The following ZNF618 variants were observed in gnomAD, a reference collection of about 807,000 sequenced individuals.
ZNF618 encodes the protein neural precursor cell expressed, developmentally down-regulated 10.
Under a neutral mutation model 103.0 loss-of-function variants are expected in ZNF618, and 34 were observed. The ratio of observed to expected loss-of-function variants is 0.33; its 90% CI spans 0.25 to 0.44. The LOEUF is 0.44. ZNF618 is among the 20% of genes least tolerant of loss of function. The pLI is 1.00. For missense variants in ZNF618, 1,059 were observed against 1,295.4 expected (o/e 0.82, Z 2.80); for synonymous variants, 551 against 542.2 (o/e 1.02, Z -0.23).
intron 8 of ZNF618, 40 bp from the exon 9 acceptor site, chr9:114,008,437 T>G (rs1384570870): frequency 6.2e-7 from 1 of 1,613,602 alleles, no homozygotes; most frequent in Admixed American, 1.7e-5. Flanking sequence ...TCCTGAGACC[T>G]GGGGGACCAG....
intron 1 of ZNF618, among the ~76,000 whole-genome samples, chr9:113,925,609 C>G (rs1033204030): frequency 6.6e-6 from 1 of 151,308 alleles, no homozygotes; most frequent in Non-Finnish European, 1.5e-5. Flanking sequence ...CATTCTTTTT[C>G]TCCCTTCTCT....
At chr9:114,039,336 G>GTTTT (rs1415621409) in intron 13 of ZNF618, among the ~76,000 whole-genome samples, 9 of 133,080 alleles carry the variant, frequency 6.8e-5, no homozygotes, top group African/African-American at 2.2e-4. Context: ...TTTCTTTCTT[G>GTTTT]TTTGTTTTTT....
chr9:113,914,249 C>T (rs1831846408), intron 1 of ZNF618, among the ~76,000 whole-genome samples: 1 of 152,160 alleles, frequency 6.6e-6, no homozygotes. Flanking sequence ...GTGTCTAAGT[C>T]TTCTAAGTCG....
intron 3 of ZNF618, among the ~76,000 whole-genome samples, chr9:113,991,235 G>C (rs117226091): frequency 2.0e-3 from 312 of 152,378 alleles, no homozygotes; most frequent in Non-Finnish European, 3.9e-3. Flanking sequence ...CTCAGCAGCA[G>C]GGTCCTTGGC....
At chr9:113,891,508 C>T (rs1283764463) in intron 1 of ZNF618, among the ~76,000 whole-genome samples, 1 of 152,092 alleles carries the variant, frequency 6.6e-6, no homozygotes, top group Non-Finnish European at 1.5e-5. Context: ...GAAATTGGAA[C>T]TCTTGTGTGC....
chr9:114,020,524 C>A (rs1487215071), intron 10 of ZNF618, among the ~76,000 whole-genome samples: 1 of 152,084 alleles, frequency 6.6e-6, no homozygotes, highest in Non-Finnish European at 1.5e-5. Flanking sequence ...AGAAGTCTTG[C>A]ACATATTTCA....
intron 3 of ZNF618, among the ~76,000 whole-genome samples, chr9:113,990,629 A>G (rs1404604013): frequency 2.0e-5 from 3 of 152,188 alleles, no homozygotes; most frequent in African/African-American, 7.2e-5. Context: ...CAAGTGACAG[A>G]GGGAAAGCAC....
chr9:114,029,063 C>G, intron 11 of ZNF618, 91 bp downstream of exon 11: 1 of 1,473,332 alleles, frequency 6.8e-7, no homozygotes, highest in Non-Finnish European at 9.0e-7. Flanking sequence ...TGTTGCCTTG[C>G]AAGAGCAAGA....
At chr9:113,963,085 GGAAATA>G (rs1388150837) in intron 1 of ZNF618, among the ~76,000 whole-genome samples, 1 of 152,186 alleles carries the variant, frequency 6.6e-6, no homozygotes, top group African/African-American at 2.4e-5. Context: ...CTTTTGGAAA[GGAAATA>G]GATATATAAA....
chr9:113,941,209 C>A (rs1834518789), intron 1 of ZNF618, among the ~76,000 whole-genome samples: 1 of 152,158 alleles, frequency 6.6e-6, no homozygotes. Flanking sequence ...TCCTCCCCCA[C>A]CACAAATATT....
chr9:114,032,969 A>G (rs1240475573), intron 12 of ZNF618, among the ~76,000 whole-genome samples: 2 of 152,100 alleles, frequency 1.3e-5, no homozygotes, highest in Non-Finnish European at 2.9e-5. Context: ...TGTCTCCCCC[A>G]TGGAGAGAGC....
chr9:113,876,366 C>A lies in ZNF618; in HGVS notation c.-15C>A, dbSNP rs1463187135. The A allele has an allele frequency of 1.6e-5, 19 of 1,194,710 alleles. No homozygotes were observed. Among genetic ancestry groups the A allele is most frequent in the Non-Finnish European group, 2.0e-5 (19 of 966,410 alleles). 74.0% of individuals were successfully genotyped at this position (1,194,710 alleles called of 1,614,324 possible). A position where few individuals can be genotyped will look rare whatever the true frequency, so the allele number is the denominator to read the frequency against. On this transcript the variant is annotated 5_prime_UTR_variant, in exon 1 of 15. Transcript: ENST00000374126. The stretch of plus-strand genomic sequence containing the variant: ...GAGCAGGACGCGCCGGGGCCGCCTC[C>A]TCCCGCACGGACCCATGAACCAGCC...
At chr9:113,999,565 C>G (rs1401320287) in intron 4 of ZNF618, among the ~76,000 whole-genome samples, 1 of 152,212 alleles carries the variant, frequency 6.6e-6, no homozygotes, top group Non-Finnish European at 1.5e-5. Flanking sequence ...GTGACACCTG[C>G]AGGCAAGGCT....
At chr9:113,971,628 T>C (rs781423756) in intron 2 of ZNF618, among the ~76,000 whole-genome samples, 7 of 152,198 alleles carry the variant, frequency 4.6e-5, no homozygotes, top group Admixed American at 2.0e-4. Context: ...CACTCTCTAA[T>C]GCATGAATCT....
rs535039935 is a variant in ZNF618 at position 114,052,891 on chromosome 9, T to A, written c.*2724T>A. On this transcript the variant is annotated 3_prime_UTR_variant, in exon 15 of 15. Coordinates refer to ENST00000374126, the MANE Select transcript of ZNF618 (RefSeq NM_001318042.2). Reference sequence around the variant, plus strand: ...GTCTGTCCTCCAGGAAGAGATTTGATCTTAGGTTGTTACCTCCCTTTCACT... The same window carrying A: ...GTCTGTCCTCCAGGAAGAGATTTGAACTTAGGTTGTTACCTCCCTTTCACT... The A allele has an allele frequency of 6.6e-6, 1 of 152,386 alleles. No individual in the cohort carries two copies. Among genetic ancestry groups the A allele is most frequent in the African/African-American group, 2.4e-5 (1 of 41,590 alleles). 9.4% of individuals were successfully genotyped at this position (152,386 alleles called of 1,614,324 possible).
intron 1 of ZNF618, among the ~76,000 whole-genome samples, chr9:113,913,401 C>G (rs868315996): frequency 1.3e-5 from 2 of 152,378 alleles, no homozygotes; most frequent in Non-Finnish European, 1.5e-5. Flanking sequence ...CCCTGACAAA[C>G]CCTGCAATGT....
At position 113,969,198 on chromosome 9, in the gene ZNF618, C is replaced by T. The variant is rs183129306; in HGVS notation, c.77+38C>T. 454 of 1,613,258 alleles carry T rather than the reference C, an allele frequency of 2.8e-4. 1 individual carries two copies. Among genetic ancestry groups the T allele is most frequent in the Admixed American group, 5.2e-4 (31 of 60,024 alleles). ...TCCCGCCCCCAGCTTGTCCACCCAT[C>T]GACTCAGGTCTTCATGACTAACAGT... is the stretch of plus-strand genomic sequence containing the variant. On this transcript the variant is annotated intron_variant, in intron 2 of 14. Transcript: ENST00000374126.
intron 12 of ZNF618, 25 bp downstream of exon 12, chr9:114,032,753 C>G (rs544781297): frequency 6.2e-7 from 1 of 1,609,430 alleles, no homozygotes; most frequent in African/African-American, 1.3e-5. Flanking sequence ...TGACAGCCAT[C>G]CTGTGCGGTA....
chr9:113,956,237 A>AAAG, intron 1 of ZNF618, among the ~76,000 whole-genome samples: 1 of 146,122 alleles, frequency 6.8e-6, no homozygotes, highest in Non-Finnish European at 1.5e-5. Context: ...AAAAAAAAAA[A>AAAG]AAGAAGAGCA....
Sources: gnomAD v4.1 joint callset for allele counts (sites outside exome capture counted in the v4.1 genomes callset) on GRCh38, gnomAD v4.1.1 for gene constraint, MANE v1.5 for transcripts, NCBI Gene and HGNC (gene_info 2026-07-23, HGNC 2026-07-21) for gene names.